The following ANO1 variants were observed in gnomAD, a reference collection of about 807,000 sequenced individuals.
ANO1 encodes the protein anoctamin 1, also known as anoctamin-1.
Under a neutral mutation model 124.0 loss-of-function variants are expected in ANO1, and 59 were observed. That is an observed-to-expected ratio of 0.48 (90% CI 0.39 to 0.59). The LOEUF is 0.59. ANO1 is among the 20% of genes least tolerant of loss of function. The pLI is 0.00. For missense variants in ANO1, 1,059 were observed against 1,328.0 expected, an observed-to-expected ratio of 0.80 and a Z score of 3.15; for synonymous variants, 529 against 532.0, an observed-to-expected ratio of 0.99 and a Z score of 0.08.
chr11:69,987,604 CAAAAAAAAAAAAAAAAA>C lies in ANO1; in HGVS notation c.58+1454_58+1470del, dbSNP rs202001305. Among the ~76,000 whole-genome samples, 113 of 109,710 alleles carry C rather than the reference CAAAAAAAAAAAAAAAAA, an allele frequency of 1.0e-3. 1 individual carries two copies. The highest frequency in any genetic ancestry group is 5.8e-4 in the Non-Finnish European group (33 of 56,752). 72.0% of individuals were successfully genotyped at this position (109,710 alleles called of 152,430 possible). A position where few individuals can be genotyped will look rare whatever the true frequency, so the allele number is the denominator to read the frequency against. On this transcript the variant is annotated intron_variant, in intron 1 of 27. Coordinates refer to the ANO1 transcript ENST00000531349. ...TGGGTAACAGAGCAAGACCATGTCT[CAAAAAAAAAAAAAAAAA>C]AAAAAAAAAAAAAAAGACTAGAACC...
At chr11:70,116,601 G>A (rs903735468) in intron 8 of ANO1, 102 bp downstream of exon 8, 4 of 1,200,764 alleles carry the variant, frequency 3.3e-6, no homozygotes, top group Non-Finnish European at 4.8e-6. Context: ...CGGCCTCCAG[G>A]GCCTCCCCAG....
chr11:70,067,520 G>A (rs782047544), intron 1 of ANO1, among the ~76,000 whole-genome samples: 2 of 152,132 alleles, frequency 1.3e-5, no homozygotes, highest in African/African-American at 2.4e-5. Context: ...TAGAGATGGG[G>A]TTTCACCATG....
In ANO1 at chr11:70,002,476, A is replaced by AAAAAAAAAAC. The variant is rs1856401669; in HGVS notation, c.58+16311_58+16312insAAAAAAAACA. On this transcript the variant is annotated intron_variant, in intron 1 of 27. Coordinates refer to the ANO1 transcript ENST00000531349. ...GAGACTCCACCAAAAAAAAAAAAAA[A>AAAAAAAAAAC]ACACCAAAAAAACACTTACGATTAT... is the stretch of plus-strand genomic sequence containing the variant. 2.0e-5 allele frequency among the ~76,000 whole-genome samples: 3 copies of AAAAAAAAAAC among 151,716 alleles called. No individual in the cohort carries two copies. The East Asian group carries it at 5.8e-4, about 29-fold the overall frequency.
chr11:70,103,296 C>A, intron 3 of ANO1, 132 bp downstream of exon 3: 1 of 706,548 alleles, frequency 1.4e-6, no homozygotes, highest in Non-Finnish European at 2.4e-6. Flanking sequence ...TCACGGCTAC[C>A]CCTGCAAAGA....
intron 11 of ANO1, among the ~76,000 whole-genome samples, chr11:70,143,944 A>T (rs2135586117): frequency 6.6e-6 from 1 of 152,152 alleles, no homozygotes; most frequent in East Asian, 1.9e-4. Flanking sequence ...CATTTTCATG[A>T]CCTCAAAGGG....
At chr11:70,006,663 C>CTTTTTTTTTTTTTTTTTTTTTTTTTTTTT (rs56851839) in intron 1 of ANO1, among the ~76,000 whole-genome samples, 1 of 88,996 alleles carries the variant, frequency 1.1e-5, no homozygotes, top group Non-Finnish European at 2.1e-5. Context: ...TTTCTTCTTT[C>CTTTTTTTTTTTTTTTTTTTTTTTTTTTTT]TTTTTTTTTT....
At chr11:70,157,781 TAA>T (rs796142056) in intron 16 of ANO1, among the ~76,000 whole-genome samples, 49 of 152,150 alleles carry the variant, frequency 3.2e-4, no homozygotes, top group African/African-American at 1.1e-3. Context: ...TGCTTGAGCT[TAA>T]GAGTTTGAGA....
chr11:70,140,473 G>A (rs1440215448), intron 11 of ANO1, among the ~76,000 whole-genome samples: 1 of 152,000 alleles, frequency 6.6e-6, no homozygotes, highest in Non-Finnish European at 1.5e-5. Flanking sequence ...GGAGGTTGCA[G>A]TGAGCCGAGA....
chr11:70,100,494 C>T (rs531296541), intron 2 of ANO1, among the ~76,000 whole-genome samples: 3 of 152,300 alleles, frequency 2.0e-5, no homozygotes, highest in East Asian at 1.9e-4. Flanking sequence ...CTGGAGCCCC[C>T]GGAAGCTGGG....
intron 21 of ANO1, among the ~76,000 whole-genome samples, chr11:70,169,365 C>G (rs1451457995): frequency 6.6e-6 from 1 of 152,088 alleles, no homozygotes; most frequent in East Asian, 1.9e-4. Flanking sequence ...CATGGGCTGC[C>G]AGTCTGCTCC....
At chr11:70,165,036 A>T (rs1035506383) in intron 19 of ANO1, among the ~76,000 whole-genome samples, 7 of 152,122 alleles carry the variant, frequency 4.6e-5, no homozygotes, top group African/African-American at 1.7e-4. Flanking sequence ...TGAAGGTCGG[A>T]AGTGCAACAT....
intron 1 of ANO1, among the ~76,000 whole-genome samples, chr11:70,034,208 C>T (rs1555004120): frequency 6.6e-6 from 1 of 152,112 alleles, no homozygotes; most frequent in African/African-American, 2.4e-5. Flanking sequence ...CAGCCGATAC[C>T]TAGCCTAGAA....
At chr11:70,063,801 C>T (rs764050032) in intron 1 of ANO1, 18 of 152,322 alleles carry the variant, frequency 1.2e-4, no homozygotes, top group Admixed American at 9.8e-4. Context: ...CATTCCTGCC[C>T]TCTTCCCAGA....
chr11:70,174,915 AAAGAAAAAAG>A lies in ANO1; in HGVS notation c.2350+3879_2350+3888del, dbSNP rs1208856470. 8.8e-5 allele frequency among the ~76,000 whole-genome samples: 11 copies of A among 124,952 alleles called. No homozygotes were observed. In the South Asian group the frequency reaches 2.9e-3, roughly 33 times the overall value. The allele number at this position is 124,952 out of a possible 152,430, so 82.0% of individuals were successfully genotyped here. A position where few individuals can be genotyped will look rare whatever the true frequency, so the allele number is the denominator to read the frequency against. ...TCCAGCAGGTACAGCTAAAAAAAGA[AAAGAAAAAAG>A]AAAAGAAAAGAAAAGAAAAGAAGAG... On this transcript the variant is annotated intron_variant, in intron 22 of 25. Transcript: ENST00000355303.
At chr11:69,978,571 C>T in the ANO1 span, among the ~76,000 whole-genome samples, 1,655 of 152,262 alleles carry the variant, frequency 0.011, 63 homozygotes, top group Admixed American at 0.075. Context: ...GGCTGGTCTC[C>T]AAATCCTGAC....
At chr11:70,187,403 G>A (rs913912840) in intron 25 of ANO1, among the ~76,000 whole-genome samples, 24 of 152,314 alleles carry the variant, frequency 1.6e-4, no homozygotes, top group African/African-American at 5.8e-4. Flanking sequence ...CCAGTTTCAT[G>A]TTTTTCCCCA....
At position 70,188,063 on chromosome 11, in the gene ANO1, C is replaced by G; in HGVS notation, c.*59C>G. On this transcript the variant is annotated 3_prime_UTR_variant, in exon 26 of 26. Transcript: ENST00000355303. ...ATCCTGACCGATGGGCACCCTCTCCCAGGGCAGGCGGCTTCCCGCTCCCAC... is the reference window on the plus strand; with the variant it reads ...ATCCTGACCGATGGGCACCCTCTCCGAGGGCAGGCGGCTTCCCGCTCCCAC... The G allele has an allele frequency of 6.6e-7, 1 of 1,511,920 alleles. No homozygotes were observed. The highest frequency in any genetic ancestry group is 8.8e-7 in the Non-Finnish European group (1 of 1,130,146). The allele number at this position is 1,511,920 out of a possible 1,614,324, so 93.7% of individuals were successfully genotyped here.
At chr11:70,029,173 G>A (rs1448513917) in intron 1 of ANO1, among the ~76,000 whole-genome samples, 1 of 152,234 alleles carries the variant, frequency 6.6e-6, no homozygotes, top group African/African-American at 2.4e-5. Context: ...CTTCACTGGG[G>A]TGATGGGTGA....
At chr11:70,152,357 A>AATT in intron 12 of ANO1, 93 bp from the exon 13 acceptor site, 3 of 922,362 alleles carry the variant, frequency 3.3e-6, no homozygotes, top group African/African-American at 3.5e-5. Context: ...AAAAAAAAAA[A>AATT]GTTGTCCTTA....
Sources: allele counts gnomAD v4.1 joint callset (sites outside exome capture counted in the v4.1 genomes callset), GRCh38; gene constraint gnomAD v4.1.1; transcripts MANE v1.5; gene names NCBI Gene and HGNC (gene_info 2026-07-23, HGNC 2026-07-21).